Variants in TSPAN9 observed in about 807,000 individuals in gnomAD.
TSPAN9 encodes the protein tetraspanin-9.
Under a neutral mutation model 31.0 loss-of-function variants are expected in TSPAN9, and 16 were observed. The ratio of observed to expected loss-of-function variants is 0.52; its 90% confidence interval spans 0.35 to 0.78. The LOEUF (loss-of-function observed/expected upper bound fraction) is 0.78. Ranked by LOEUF, TSPAN9 falls within the 30% of genes least tolerant of loss-of-function variation. The pLI is 0.01. For synonymous variants in TSPAN9, 145 were observed against 121.6 expected (o/e 1.19, Z -1.27); for missense variants, 272 against 312.5 (o/e 0.87, Z 0.98).
At position 3,279,083 on chromosome 12, in the gene TSPAN9, G is replaced by T. The variant is rs1862849771; in HGVS notation, c.330+17G>T. The T allele has an allele frequency of 1.2e-6, 2 of 1,611,544 alleles. No individual in the cohort carries two copies. Among genetic ancestry groups the T allele is most frequent in the African/African-American group, 1.3e-5 (1 of 74,876 alleles). On this transcript the variant is annotated intron_variant, in intron 5 of 8. Transcript: ENST00000011898. ...ATGGACAAGGTAAGCCTTACCAGATGGGAGGGGGCATATGGAATGTCACTG... is the reference window on the plus strand; with the variant it reads ...ATGGACAAGGTAAGCCTTACCAGATTGGAGGGGGCATATGGAATGTCACTG...
At chr12:3,115,625 T>C (rs183744757) in intron 2 of TSPAN9, among the ~76,000 whole-genome samples, 6 of 152,300 alleles carry the variant, frequency 3.9e-5, no homozygotes, top group Admixed American at 2.0e-4. Context: ...TCTAAACTTA[T>C]ATCCTTATGC....
chr12:3,116,018 C>T (rs1203297165), intron 2 of TSPAN9, among the ~76,000 whole-genome samples: 6 of 152,132 alleles, frequency 3.9e-5, no homozygotes, highest in African/African-American at 4.8e-5. Flanking sequence ...ACTTCTTAAG[C>T]GGACACATTT....
At chr12:3,169,421 T>C (rs551416282) in intron 2 of TSPAN9, among the ~76,000 whole-genome samples, 5 of 152,264 alleles carry the variant, frequency 3.3e-5, no homozygotes, top group African/African-American at 1.2e-4. Context: ...GGATATTAGT[T>C]TGGTGTCCTG....
intron 3 of TSPAN9, among the ~76,000 whole-genome samples, chr12:3,219,091 T>C (rs550616455): frequency 1.6e-4 from 25 of 152,170 alleles, no homozygotes; most frequent in Non-Finnish European, 1.5e-5. Flanking sequence ...CAGGTGGCCC[T>C]TCCCACCCGT....
chr12:3,108,717 T>C (rs1333250404), intron 2 of TSPAN9, among the ~76,000 whole-genome samples: 1 of 152,234 alleles, frequency 6.6e-6, no homozygotes, highest in East Asian at 1.9e-4. Flanking sequence ...AATTTTATTT[T>C]CTTTCCTATC....
At chr12:3,278,945 A>G in intron 4 of TSPAN9, 47 bp from the exon 5 acceptor site, 2 of 1,595,406 alleles carry the variant, frequency 1.3e-6, no homozygotes, top group Non-Finnish European at 1.7e-6. Flanking sequence ...CCTTGTCCTC[A>G]GCCCTGCCCA....
intron 3 of TSPAN9, among the ~76,000 whole-genome samples, chr12:3,235,512 G>A (rs1437616001): frequency 2.0e-5 from 3 of 151,958 alleles, no homozygotes; most frequent in Non-Finnish European, 4.4e-5. Flanking sequence ...GATCAGAGGA[G>A]ATCATGTTTG....
intron 3 of TSPAN9, among the ~76,000 whole-genome samples, chr12:3,212,916 A>G (rs1375343277): frequency 6.6e-6 from 1 of 152,162 alleles, no homozygotes; most frequent in Non-Finnish European, 1.5e-5. Context: ...TGGAAGATGT[A>G]CAACGTGGGA....
chr12:3,208,591 GC>G lies in TSPAN9; in HGVS notation c.63+7336del. Among the ~76,000 whole-genome samples, 3 of 152,328 alleles carry G rather than the reference GC, an allele frequency of 2.0e-5. 1 individual carries two copies. The highest frequency in any genetic ancestry group is 4.4e-5 in the Non-Finnish European group (3 of 68,028). ...CTGGGCAGCTTGGCTTGTGACCTGGGCTGACCAGGACACAGAGCACACAGGG... is the reference window on the plus strand; with the variant it reads ...CTGGGCAGCTTGGCTTGTGACCTGGGTGACCAGGACACAGAGCACACAGGG... On this transcript the variant is annotated intron_variant, in intron 3 of 8. Transcript: ENST00000011898.
intron 2 of TSPAN9, among the ~76,000 whole-genome samples, chr12:3,198,382 C>T (rs561855288): frequency 1.1e-5 from 1 of 92,954 alleles, no homozygotes; most frequent in Non-Finnish European, 2.3e-5. Context: ...GCACAGGCCA[C>T]CACCAGCACA....
Position 3,280,486 on chromosome 12 carries a change from G to A in TSPAN9, c.432+3G>A. 3 of 1,610,822 alleles carry A rather than the reference G, an allele frequency of 1.9e-6. No homozygotes were observed. Among genetic ancestry groups the A allele is most frequent in the South Asian group, 2.2e-5 (2 of 90,934 alleles). On this transcript the variant is annotated splice_donor_region_variant and intron_variant, in intron 6 of 8. Coordinates refer to ENST00000011898, the MANE Select transcript of TSPAN9 (RefSeq NM_006675.5). The surrounding 1 kb of genome is among the most constrained non-coding windows in gnomAD (Gnocchi z 4.5). ...CCTGGAACATCATCCAGGCTGAGGT[G>A]CGGGCTGGGCCGCCCTGGTGGGGCC...
intron 2 of TSPAN9, among the ~76,000 whole-genome samples, chr12:3,103,443 C>T (rs539663285): frequency 7.0e-6 from 1 of 143,120 alleles, no homozygotes; most frequent in African/African-American, 3.0e-5. Context: ...TTCTGGTGTG[C>T]AGGCAGGCTC....
At position 3,255,983 on chromosome 12, in the gene TSPAN9, A is replaced by G. The variant is rs1231031981; in HGVS notation, c.64-22438A>G. On this transcript the variant is annotated intron_variant, in intron 3 of 8. Coordinates refer to ENST00000011898, the MANE Select transcript of TSPAN9 (RefSeq NM_006675.5). The stretch of plus-strand genomic sequence containing the variant: ...GAAAGCAACCCTTCTCTTGCCTGCT[A>G]TGTCTTTCAGGCAGGGCTGTTAGCT... Among the ~76,000 whole-genome samples the G allele has an allele frequency of 4.6e-5, 7 of 152,120 alleles. No homozygotes were observed. The East Asian group carries it at 7.7e-4, about 17-fold the overall frequency.
At chr12:3,159,722 T>G (rs555645305) in intron 2 of TSPAN9, among the ~76,000 whole-genome samples, 3 of 152,040 alleles carry the variant, frequency 2.0e-5, no homozygotes, top group African/African-American at 7.2e-5. Context: ...ACTGTATATA[T>G]AGAGAGAGGA....
chr12:3,141,161 T>A (rs1039380945), intron 2 of TSPAN9, among the ~76,000 whole-genome samples: 4 of 152,060 alleles, frequency 2.6e-5, no homozygotes, highest in Non-Finnish European at 5.9e-5. Flanking sequence ...TTCCACAGTC[T>A]CTGTCGGCTC....
intron 1 of TSPAN9, among the ~76,000 whole-genome samples, chr12:3,081,844 G>GTGTATATATATATATATATATATATATA (rs57812985): frequency 1.7e-5 from 2 of 116,770 alleles, no homozygotes; most frequent in African/African-American, 7.3e-5. Context: ...GTCTGTGTGT[G>GTGTATATATATATATATATATATATATA]TATATATATG....
intron 3 of TSPAN9, chr12:3,215,276 C>G (rs11833986): frequency 0.097 from 14,729 of 152,332 alleles, 762 homozygotes; most frequent in Middle Eastern, 0.15. Context: ...CAGGCCATAG[C>G]TGGCTGGGGG....
At chr12:3,281,702 G>A in intron 7 of TSPAN9, 32 bp from the exon 8 acceptor site, 1 of 1,602,832 alleles carries the variant, frequency 6.2e-7, no homozygotes, top group South Asian at 1.1e-5. Context: ...TGCTTGGGCT[G>A]GGACCCTAAC....
chr12:3,111,362 A>G (rs1202132094), intron 2 of TSPAN9, among the ~76,000 whole-genome samples: 1 of 152,186 alleles, frequency 6.6e-6, no homozygotes, highest in Admixed American at 6.5e-5. Context: ...GAGGCCTGAC[A>G]GTGCCAGGTT....
Sources: gnomAD v4.1 joint callset for allele counts (sites outside exome capture counted in the v4.1 genomes callset) on GRCh38, gnomAD v4.1.1 for gene constraint, Gnocchi (gnomAD v3.1) non-coding constraint, MANE v1.5 for transcripts, NCBI Gene and HGNC (gene_info 2026-07-23, HGNC 2026-07-21) for gene names.